Variants in DLG2 observed in about 807,000 individuals in gnomAD.
DLG2 encodes the protein disks large homolog 2.
In DLG2, 45 loss-of-function variants were observed where a neutral mutation model predicts 132.5. That is an observed-to-expected ratio of 0.34 (90% confidence interval 0.27 to 0.44). DLG2 has a LOEUF of 0.44. Among genes scored for constraint, DLG2 ranks in the 20% least tolerant of loss-of-function variants. DLG2 has a pLI of 1.00. For synonymous variants in DLG2, 424 were observed against 419.6 expected (o/e 1.01, Z -0.13); for missense variants, 1,045 against 1,196.9 (o/e 0.87, Z 1.87).
chr11:84,972,184 GTTA>G (rs2054194904), intron 6 of DLG2, among the ~76,000 whole-genome samples: 1 of 152,036 alleles, frequency 6.6e-6, no homozygotes, highest in African/African-American at 2.4e-5. Context: ...GAACCCTTAT[GTTA>G]TTAAGTGAAC....
At position 84,723,197 on chromosome 11, in the gene DLG2, T is replaced by C. The variant is rs182198613; in HGVS notation, c.358-188466A>G. Among the ~76,000 whole-genome samples, 470 of 152,272 alleles carry C rather than the reference T, an allele frequency of 3.1e-3. 4 individuals are homozygous for C. Among genetic ancestry groups the C allele is most frequent in the Non-Finnish European group, 5.0e-3 (343 of 68,008 alleles). ...CACCCCAAAAGTATTGTATGCTCCA[T>C]ATTGTGATGTTCCAATAATATCTAA... On this transcript the variant is annotated intron_variant, in intron 6 of 27. Transcript: ENST00000376104.
chr11:85,346,439 C>T (rs190452620), intron 3 of DLG2, among the ~76,000 whole-genome samples: 63 of 152,214 alleles, frequency 4.1e-4, no homozygotes, highest in Admixed American at 2.0e-3. Context: ...CTGCCCGCCT[C>T]GGCCTCCCAC....
At chr11:83,934,314 G>C (rs1390074948) in intron 14 of DLG2, among the ~76,000 whole-genome samples, 2 of 152,262 alleles carry the variant, frequency 1.3e-5, no homozygotes, top group South Asian at 4.2e-4. Context: ...TAATTACATA[G>C]TACCTGAGAC....
chr11:84,571,538 T>A (rs1302624424), intron 6 of DLG2, among the ~76,000 whole-genome samples: 1 of 152,016 alleles, frequency 6.6e-6, no homozygotes, highest in Non-Finnish European at 1.5e-5. Context: ...TGTTTTGACA[T>A]GGCACCCTCC....
chr11:83,977,494 A>G (rs1236163852), intron 12 of DLG2, among the ~76,000 whole-genome samples: 2 of 152,088 alleles, frequency 1.3e-5, no homozygotes, highest in East Asian at 1.9e-4. Context: ...TTGTTTGCAC[A>G]TACACCAAGG....
chr11:84,714,611 TTCTCTTTCTCTTTCTCTCTCTC>T (rs2060934559), intron 6 of DLG2, among the ~76,000 whole-genome samples: 6 of 93,528 alleles, frequency 6.4e-5, no homozygotes, highest in East Asian at 3.1e-4. Context: ...CTCTTTCTCT[TTCTCTTTCTCTTTCTCTCTCTC>T]TCTCTCTCTC....
At chr11:83,587,572 T>C (rs776205904) in intron 19 of DLG2, among the ~76,000 whole-genome samples, 10 of 152,220 alleles carry the variant, frequency 6.6e-5, no homozygotes, top group East Asian at 1.9e-4. Context: ...TTTTAGGAGA[T>C]AGTGAATTAG....
At chr11:84,153,245 A>C (rs2095346992) in intron 9 of DLG2, among the ~76,000 whole-genome samples, 1 of 151,878 alleles carries the variant, frequency 6.6e-6, no homozygotes, top group Admixed American at 6.6e-5. Flanking sequence ...AAGTGACCTG[A>C]CCCTTTTTCC....
chr11:85,273,580 C>G (rs1225882738), intron 4 of DLG2, among the ~76,000 whole-genome samples: 1 of 152,052 alleles, frequency 6.6e-6, no homozygotes, highest in Non-Finnish European at 1.5e-5. Context: ...AGTTAGATTG[C>G]TGATCATTAA....
rs527946875 is a variant in DLG2 at position 84,991,337 on chromosome 11, C to T, written c.357+120324G>A. Among the ~76,000 whole-genome samples the T allele has an allele frequency of 4.6e-5, 7 of 151,716 alleles. No individual in the cohort carries two copies. The East Asian group carries it at 1.2e-3, about 25-fold the overall frequency. The stretch of plus-strand genomic sequence containing the variant: ...TGGCCTGGGCAAAATTGCAAAACCC[C>T]GTCTCTACAAACAATATAAAAATGA... On this transcript the variant is annotated intron_variant, in intron 6 of 27. Transcript: ENST00000376104.
intron 6 of DLG2, among the ~76,000 whole-genome samples, chr11:84,982,192 T>C (rs1022476977): frequency 3.3e-5 from 5 of 149,414 alleles, no homozygotes; most frequent in South Asian, 2.1e-4. Flanking sequence ...CATAAATCTA[T>C]ATAATTCTAA....
intron 7 of DLG2, among the ~76,000 whole-genome samples, chr11:84,267,923 C>T (rs2097664345): frequency 6.6e-6 from 1 of 152,174 alleles, no homozygotes; most frequent in Non-Finnish European, 1.5e-5. Flanking sequence ...TCTGAGGCTC[C>T]AGTGCCTTTG....
At chr11:84,113,636 A>G (rs1021200668) in intron 9 of DLG2, among the ~76,000 whole-genome samples, 1 of 152,226 alleles carries the variant, frequency 6.6e-6, no homozygotes, top group Non-Finnish European at 1.5e-5. Flanking sequence ...AATGACAAAT[A>G]CTATTTTTTG....
chr11:83,775,114 G>A (rs775240945), intron 18 of DLG2, among the ~76,000 whole-genome samples: 2 of 152,082 alleles, frequency 1.3e-5, no homozygotes, highest in Non-Finnish European at 2.9e-5. Context: ...GTCGGACTCC[G>A]TTCTCATTTA....
intron 18 of DLG2, among the ~76,000 whole-genome samples, chr11:83,673,407 G>A (rs771459427): frequency 6.6e-6 from 1 of 152,166 alleles, no homozygotes; most frequent in African/African-American, 2.4e-5. Flanking sequence ...AATGTTGGAA[G>A]ATCAGATAAT....
At chr11:85,225,259 TCTC>T (rs1473228599) in intron 4 of DLG2, among the ~76,000 whole-genome samples, 4 of 152,064 alleles carry the variant, frequency 2.6e-5, no homozygotes, top group Non-Finnish European at 5.9e-5. Context: ...TTCAGTTGTC[TCTC>T]CTCAGCTATT....
At chr11:83,918,314 G>C (rs1202331252) in intron 15 of DLG2, among the ~76,000 whole-genome samples, 1 of 152,282 alleles carries the variant, frequency 6.6e-6, no homozygotes, top group East Asian at 1.9e-4. Context: ...TCTTTGATCG[G>C]AGGTTCATAG....
chr11:85,217,501 A>G (rs1023229595), intron 4 of DLG2, among the ~76,000 whole-genome samples: 2 of 152,176 alleles, frequency 1.3e-5, no homozygotes, highest in African/African-American at 4.8e-5. Context: ...AAACCAATCA[A>G]TTAAACACCA....
intron 8 of DLG2, among the ~76,000 whole-genome samples, chr11:84,164,740 C>T (rs1327466910): frequency 1.3e-5 from 2 of 152,158 alleles, no homozygotes; most frequent in Non-Finnish European, 2.9e-5. Context: ...AATCAGTGAA[C>T]ATATAGAATG....
Sources: allele counts gnomAD v4.1 joint callset (sites outside exome capture counted in the v4.1 genomes callset), GRCh38; gene constraint gnomAD v4.1.1; transcripts MANE v1.5; gene names NCBI Gene and HGNC (gene_info 2026-07-23, HGNC 2026-07-21).